VSIG10: variants seen among roughly 807,000 people sequenced by gnomAD.
The protein encoded by VSIG10 is V-set and immunoglobulin domain-containing protein 10.
VSIG10 carries 48 observed loss-of-function variants against 58.7 expected under a neutral mutation model. The ratio of observed to expected loss-of-function variants is 0.82; its 90% CI spans 0.65 to 1.04. The LOEUF is 1.04. Among genes scored for constraint, VSIG10 ranks in the 50% least tolerant of loss-of-function variants. The pLI is 0.00. For synonymous variants in VSIG10, 260 were observed against 267.1 expected, an observed-to-expected ratio of 0.97 and a Z score of 0.26; for missense variants, 628 against 670.0, an observed-to-expected ratio of 0.94 and a Z score of 0.69.
chr12:118,096,558 A>G (rs1044410554), intron 1 of VSIG10, among the ~76,000 whole-genome samples: 3 of 147,038 alleles, frequency 2.0e-5, no homozygotes, highest in African/African-American at 7.7e-5. Context: ...AGCCTGGGCA[A>G]CAAGAGCGTA....
At chr12:118,102,721 A>T (rs1004547448) in intron 1 of VSIG10, 3 of 152,084 alleles carry the variant, frequency 2.0e-5, no homozygotes, top group African/African-American at 7.2e-5. Context: ...CGTTGGGTGG[A>T]GCAGACCCGG....
At chr12:118,074,430 A>G (rs552506634) in intron 4 of VSIG10, among the ~76,000 whole-genome samples, 1 of 151,452 alleles carries the variant, frequency 6.6e-6, no homozygotes, top group South Asian at 2.1e-4. Context: ...TTCAGTTACC[A>G]TGGTTGACTA....
intron 2 of VSIG10, among the ~76,000 whole-genome samples, chr12:118,088,440 T>C (rs1190203974): frequency 6.6e-6 from 1 of 151,840 alleles, no homozygotes; most frequent in African/African-American, 2.4e-5. Context: ...TCACAGACAA[T>C]AAAACTAACA....
intron 5 of VSIG10, among the ~76,000 whole-genome samples, chr12:118,073,463 A>G (rs951383094): frequency 6.6e-6 from 1 of 152,178 alleles, no homozygotes; most frequent in Non-Finnish European, 1.5e-5. Flanking sequence ...TACACTAGAT[A>G]TCTATTCGTT....
chr12:118,078,030 A>C (rs1161218716), intron 4 of VSIG10, among the ~76,000 whole-genome samples: 2 of 152,184 alleles, frequency 1.3e-5, no homozygotes, highest in Admixed American at 6.5e-5. Flanking sequence ...CTATAGTTTG[A>C]ATGTTTGTCC....
At chr12:118,073,667 C>CGGGG in intron 5 of VSIG10, 32 bp downstream of exon 5, 2 of 1,564,558 alleles carry the variant, frequency 1.3e-6, no homozygotes, top group Non-Finnish European at 1.7e-6. Flanking sequence ...GCTCTGAACC[C>CGGGG]TCCCTCCTTC....
At chr12:118,083,450 C>T (rs1165685586) in intron 2 of VSIG10, among the ~76,000 whole-genome samples, 1 of 150,988 alleles carries the variant, frequency 6.6e-6, no homozygotes. Context: ...TGGTGGCACA[C>T]ACCTGTAATC....
At position 118,097,044 on chromosome 12, in the gene VSIG10, A is replaced by AAAAC. The variant is rs557482784; in HGVS notation, c.80-1234_80-1231dup. ...ACAGAGCGAGACTCGGTCTAAAAAC[A>AAAAC]AAACAAACAAACAAACAAACAACAC... On this transcript the variant is annotated intron_variant, in intron 1 of 8. Coordinates refer to ENST00000359236, the MANE Select transcript of VSIG10 (RefSeq NM_019086.6). Among the ~76,000 whole-genome samples the AAAAC allele has an allele frequency of 1.6e-3, 247 of 152,218 alleles. 2 individuals are homozygous for AAAAC. Among genetic ancestry groups the AAAAC allele is most frequent in the Non-Finnish European group, 2.7e-3 (186 of 68,012 alleles).
chr12:118,073,859 C>T lies in VSIG10; in HGVS notation c.1059G>A (p.Val353=). 1 of 1,532,810 alleles carries T rather than the reference C, an allele frequency of 6.5e-7. No individual in the cohort carries two copies. The highest frequency in any genetic ancestry group is 9.0e-7 in the Non-Finnish European group (1 of 1,107,838). The allele number at this position is 1,532,810 out of a possible 1,614,324, so 95.0% of individuals were successfully genotyped here. Residue 353 remains valine (V), a synonymous_variant, in exon 5 of 9, where the codon GTG becomes GTA. Coordinates refer to ENST00000359236, the MANE Select transcript of VSIG10 (RefSeq NM_019086.6). The stretch of plus-strand genomic sequence containing the variant: ...GATGGCGGCTGCTAGGCTGGATGAT[C>T]ACCTCGGGCTGGGTAAGGTTCCTCA... ...LWLRNLTQPE[V]IIQPSSRHLI...
chr12:118,071,959 C>T (rs1349511655), intron 5 of VSIG10, among the ~76,000 whole-genome samples: 1 of 148,230 alleles, frequency 6.7e-6, no homozygotes, highest in Non-Finnish European at 1.5e-5. Context: ...CACCTGAAGT[C>T]GGGAGATCGA....
At chr12:118,078,071 C>T (rs1350649436) in intron 4 of VSIG10, among the ~76,000 whole-genome samples, 1 of 152,208 alleles carries the variant, frequency 6.6e-6, no homozygotes. Context: ...ATTTGATCCT[C>T]AGTGTTGGAG....
chr12:118,103,894 G>A lies in VSIG10; in HGVS notation c.-223C>T. On this transcript the variant is annotated 5_prime_UTR_variant, in exon 1 of 9. Transcript: ENST00000359236. ...TCGGGTCCCCGCTCCCGAGCGCCCT[G>A]GCCGGGGAGGGAGGGCGCACCCCGC... 2.4e-6 allele frequency: 1 copy of A among 425,196 alleles called. No individual in the cohort carries two copies. Among genetic ancestry groups the A allele is most frequent in the Non-Finnish European group, 4.1e-6 (1 of 241,908 alleles). The allele number at this position is 425,196 out of a possible 1,614,324, so 26.3% of individuals were successfully genotyped here.
chr12:118,091,676 A>G (rs2033303784), intron 2 of VSIG10, among the ~76,000 whole-genome samples: 1 of 152,158 alleles, frequency 6.6e-6, no homozygotes, highest in South Asian at 2.1e-4. Context: ...AGGAATTAGT[A>G]GGTTCTTTAT....
In VSIG10 at chr12:118,066,698, T is replaced by C. The variant is rs2137822216; in HGVS notation, c.1568-4A>G. 1 of 1,598,810 alleles carries C rather than the reference T, an allele frequency of 6.3e-7. No homozygotes were observed. The highest frequency in any genetic ancestry group is 8.5e-7 in the Non-Finnish European group (1 of 1,171,408). On this transcript the variant is annotated splice_polypyrimidine_tract_variant and splice_region_variant and intron_variant, in intron 8 of 8. Coordinates refer to ENST00000359236, the MANE Select transcript of VSIG10 (RefSeq NM_019086.6). ...CTTTGCTCCTCACTGCTGTCATCTGTATGGGGGGAAATAAACCCAATGCTT... is the reference window on the plus strand; with the variant it reads ...CTTTGCTCCTCACTGCTGTCATCTGCATGGGGGGAAATAAACCCAATGCTT...
chr12:118,093,610 G>GTATA (rs767624043), intron 2 of VSIG10, among the ~76,000 whole-genome samples: 1 of 151,332 alleles, frequency 6.6e-6, no homozygotes, highest in Non-Finnish European at 1.5e-5. Context: ...TAGCACCGTA[G>GTATA]TATAAGAGTG....
At chr12:118,075,723 T>A (rs1008684400) in intron 4 of VSIG10, among the ~76,000 whole-genome samples, 1 of 152,220 alleles carries the variant, frequency 6.6e-6, no homozygotes, top group Non-Finnish European at 1.5e-5. Context: ...AGGCATTTAC[T>A]GTGGGCAAGG....
intron 2 of VSIG10, among the ~76,000 whole-genome samples, chr12:118,093,529 A>AT (rs1037364946): frequency 6.6e-6 from 1 of 152,012 alleles, no homozygotes; most frequent in African/African-American, 2.4e-5. Flanking sequence ...CCATATGTGT[A>AT]TATCAGCAGA....
chr12:118,073,785 G>A lies in VSIG10; in HGVS notation c.1133C>T (p.Ser378Phe), dbSNP rs752141264. 2.5e-6 allele frequency: 4 copies of A among 1,614,000 alleles called. No individual in the cohort carries two copies. In the South Asian group the frequency reaches 4.4e-5, roughly 18 times the overall value. Reference sequence around the variant, plus strand: ...GTAGTAGCCCTCATCCAGGTCCTGGGAGCAGTTGTGGATAGTGAGGGTGGA... The same window carrying A: ...GTAGTAGCCCTCATCCAGGTCCTGGAAGCAGTTGTGGATAGTGAGGGTGGA... The part of the protein sequence containing the change: ...QNSTLTIHNC[S>F]QDLDEGYYIC... Residue 378 changes from serine to phenylalanine, a missense_variant, in exon 5 of 9, where the codon TCC becomes TTC. Ser to Phe is a radical substitution (Grantham distance 155, BLOSUM62 -2). Transcript: ENST00000359236.
At chr12:118,082,079 C>A in intron 3 of VSIG10, 48 bp downstream of exon 3, 1 of 1,500,366 alleles carries the variant, frequency 6.7e-7, no homozygotes, top group Non-Finnish European at 9.1e-7. Flanking sequence ...CATAAGTTCA[C>A]AAAGGGTTAA....
Sources: allele counts gnomAD v4.1 joint callset (sites outside exome capture counted in the v4.1 genomes callset), GRCh38; gene constraint gnomAD v4.1.1; transcripts MANE v1.5; gene names NCBI Gene and HGNC (gene_info 2026-07-23, HGNC 2026-07-21).